MSRA: variants seen among roughly 807,000 people sequenced by gnomAD.
MSRA encodes methionine sulfoxide reductase A.
MSRA carries 54 observed loss-of-function variants against 31.3 expected under a neutral mutation model. The ratio of observed to expected loss-of-function variants is 1.73; its 90% CI spans 1.39 to 2.17. The LOEUF (loss-of-function observed/expected upper bound fraction) is 2.17, where lower values mean the gene tolerates loss of function less well. Ranked by LOEUF, MSRA falls within the 30% of genes most tolerant of loss-of-function variation. MSRA has a pLI of 0.00. For synonymous variants in MSRA, 169 were observed against 116.5 expected (o/e 1.45, Z -2.90); for missense variants, 507 against 300.9 (o/e 1.69, Z -5.07).
At chr8:10,123,960 C>G (rs992073926) in intron 1 of MSRA, among the ~76,000 whole-genome samples, 6 of 151,350 alleles carry the variant, frequency 4.0e-5, no homozygotes, top group African/African-American at 1.5e-4. Context: ...AAGTGGAAGT[C>G]TCGATGAGAT....
intron 5 of MSRA, among the ~76,000 whole-genome samples, chr8:10,340,956 AC>A (rs1003401442): frequency 6.6e-6 from 1 of 152,134 alleles, no homozygotes; most frequent in African/African-American, 2.4e-5. Context: ...GACAACAAAT[AC>A]GTTGATGTGG....
chr8:10,061,989 C>T (rs891271874), intron 1 of MSRA, among the ~76,000 whole-genome samples: 1 of 152,106 alleles, frequency 6.6e-6, no homozygotes, highest in African/African-American at 2.4e-5. Context: ...ATTGTGAGCC[C>T]CTGCGTTGGG....
chr8:10,103,489 C>T (rs1033001077), intron 1 of MSRA, among the ~76,000 whole-genome samples: 6 of 152,080 alleles, frequency 3.9e-5, no homozygotes, highest in African/African-American at 1.4e-4. Flanking sequence ...TTGACTTTTC[C>T]TATAAGTGAA....
At chr8:10,305,359 T>C (rs926461802) in intron 4 of MSRA, among the ~76,000 whole-genome samples, 1 of 151,620 alleles carries the variant, frequency 6.6e-6, no homozygotes, top group Non-Finnish European at 1.5e-5. Flanking sequence ...GCAGCTCTCA[T>C]AGTATCTGCC....
chr8:10,392,341 C>T (rs1376304306), intron 5 of MSRA, among the ~76,000 whole-genome samples: 1 of 152,200 alleles, frequency 6.6e-6, no homozygotes, highest in Non-Finnish European at 1.5e-5. Context: ...TAGAAGGAGT[C>T]ATAGAGGCTG....
intron 1 of MSRA, among the ~76,000 whole-genome samples, chr8:10,102,558 G>T (rs1188940855): frequency 1.3e-5 from 2 of 152,094 alleles, no homozygotes; most frequent in Non-Finnish European, 2.9e-5. Context: ...TCAAATCCTT[G>T]TCAGATAATT....
chr8:10,309,813 A>G (rs1293076976), intron 4 of MSRA, among the ~76,000 whole-genome samples: 2 of 152,142 alleles, frequency 1.3e-5, no homozygotes, highest in Non-Finnish European at 2.9e-5. Context: ...TGCAGTCACC[A>G]CAAAGCCCTG....
chr8:10,064,600 G>A (rs763500540), intron 1 of MSRA, among the ~76,000 whole-genome samples: 3 of 152,160 alleles, frequency 2.0e-5, no homozygotes, highest in Admixed American at 2.0e-4. Flanking sequence ...AGGAACATCG[G>A]ATGTCTTCCC....
intron 5 of MSRA, among the ~76,000 whole-genome samples, chr8:10,421,599 G>C (rs537741320): frequency 2.0e-5 from 3 of 152,256 alleles, no homozygotes; most frequent in African/African-American, 2.4e-5. Context: ...GCAGTCAGCA[G>C]AATGATCACA....
intron 3 of MSRA, among the ~76,000 whole-genome samples, chr8:10,253,551 C>G (rs755548568): frequency 8.5e-5 from 13 of 152,186 alleles, no homozygotes; most frequent in Non-Finnish European, 1.8e-4. Flanking sequence ...TTTACCCATT[C>G]AACACTAGAA....
At chr8:10,180,107 C>T (rs1806406003) in intron 1 of MSRA, among the ~76,000 whole-genome samples, 1 of 152,212 alleles carries the variant, frequency 6.6e-6, no homozygotes, top group Non-Finnish European at 1.5e-5. Context: ...ACTTCAGATG[C>T]CAATTGCAAG....
At chr8:10,149,123 CTTT>C (rs35648929) in intron 1 of MSRA, among the ~76,000 whole-genome samples, 15 of 141,462 alleles carry the variant, frequency 1.1e-4, no homozygotes, top group East Asian at 2.1e-4. Context: ...ACCTGGCTAA[CTTT>C]TTTTTTTTTT....
At chr8:10,330,210 C>CACAT (rs1802616193) in intron 5 of MSRA, among the ~76,000 whole-genome samples, 1 of 151,206 alleles carries the variant, frequency 6.6e-6, no homozygotes, top group Non-Finnish European at 1.5e-5. Flanking sequence ...GTGATATACA[C>CACAT]ACACACACAC....
intron 1 of MSRA, among the ~76,000 whole-genome samples, chr8:10,062,920 A>G (rs1400884738): frequency 6.6e-6 from 1 of 152,134 alleles, no homozygotes; most frequent in South Asian, 2.1e-4. Flanking sequence ...TCCTTAGCAC[A>G]TTTTAAGCTA....
chr8:10,253,260 T>C (rs1311920165), intron 3 of MSRA, among the ~76,000 whole-genome samples: 1 of 152,132 alleles, frequency 6.6e-6, no homozygotes, highest in Non-Finnish European at 1.5e-5. Flanking sequence ...GGTGAGTGAA[T>C]TGGATGGTTT....
chr8:10,103,328 G>T (rs1439329271), intron 1 of MSRA, among the ~76,000 whole-genome samples: 1 of 152,136 alleles, frequency 6.6e-6, no homozygotes, highest in Non-Finnish European at 1.5e-5. Context: ...GTAGCTTCAG[G>T]ACAGATCTTA....
chr8:10,325,834 C>A (rs1254263448), intron 5 of MSRA, among the ~76,000 whole-genome samples: 1 of 152,198 alleles, frequency 6.6e-6, no homozygotes, highest in African/African-American at 2.4e-5. Context: ...CCGGACTGGG[C>A]TTTCCTGTGT....
intron 5 of MSRA, among the ~76,000 whole-genome samples, chr8:10,409,943 C>A (rs547376763): frequency 4.6e-5 from 7 of 152,102 alleles, no homozygotes; most frequent in Non-Finnish European, 8.8e-5. Context: ...GTCTCTAGTC[C>A]CAGCTACTTG....
intron 2 of MSRA, among the ~76,000 whole-genome samples, chr8:10,240,405 G>C (rs1304405827): frequency 3.9e-5 from 6 of 152,172 alleles, no homozygotes; most frequent in Non-Finnish European, 5.9e-5. Context: ...CATTACGCAG[G>C]TACTAGGGTA....
Sources: gnomAD v4.1 joint callset for allele counts (sites outside exome capture counted in the v4.1 genomes callset) on GRCh38, gnomAD v4.1.1 for gene constraint, MANE v1.5 for transcripts, NCBI Gene and HGNC (gene_info 2026-07-23, HGNC 2026-07-21) for gene names.